Variants in PLXNA4 observed in about 807,000 individuals in gnomAD.
PLXNA4 encodes plexin A4.
A neutral mutation model predicts 191.8 loss-of-function variants in PLXNA4; 44 were observed. That is an observed-to-expected ratio of 0.23 (90% CI 0.18 to 0.29). The LOEUF (loss-of-function observed/expected upper bound fraction) is 0.29. PLXNA4 is among the 10% of genes least tolerant of loss of function. The pLI, the probability that PLXNA4 is intolerant of heterozygous loss-of-function variation, is 1.00. For missense variants in PLXNA4, 1,800 were observed against 2,488.8 expected (o/e 0.72, Z 5.89); for synonymous variants, 1,082 against 1,009.5 (o/e 1.07, Z -1.36).
At chr7:132,591,258 C>T (rs749497638) in intron 2 of PLXNA4, among the ~76,000 whole-genome samples, 6 of 152,262 alleles carry the variant, frequency 3.9e-5, no homozygotes, top group Admixed American at 6.5e-5. Flanking sequence ...GGAAGAAAAG[C>T]GAATGCACTG....
chr7:132,279,122 T>G (rs1034227096), intron 4 of PLXNA4, among the ~76,000 whole-genome samples: 3 of 152,210 alleles, frequency 2.0e-5, no homozygotes, highest in Non-Finnish European at 4.4e-5. Flanking sequence ...GGAAAAGATT[T>G]CTAGACCTAC....
chr7:132,136,343 G>A (rs1035240078), intron 30 of PLXNA4, among the ~76,000 whole-genome samples: 3 of 152,200 alleles, frequency 2.0e-5, no homozygotes, highest in Admixed American at 6.5e-5. Context: ...AGGGGAACCT[G>A]GGCCCCTGTG....
At chr7:132,262,731 C>T (rs866072139) in intron 4 of PLXNA4, among the ~76,000 whole-genome samples, 19 of 152,112 alleles carry the variant, frequency 1.2e-4, no homozygotes, top group Middle Eastern at 3.4e-3. Flanking sequence ...GATGGCATTT[C>T]GGGGGAAGGG....
At chr7:132,451,061 A>G (rs764029061) in intron 3 of PLXNA4, among the ~76,000 whole-genome samples, 2 of 152,226 alleles carry the variant, frequency 1.3e-5, no homozygotes, top group Non-Finnish European at 2.9e-5. Context: ...GTTACTCACT[A>G]ACCCCCAGCC....
chr7:132,537,493 C>A (rs1427527810), intron 1 of PLXNA4, among the ~76,000 whole-genome samples: 1 of 152,230 alleles, frequency 6.6e-6, no homozygotes, highest in East Asian at 1.9e-4. Context: ...TTTCAGCACC[C>A]AAGTTCCTAT....
At chr7:132,182,212 G>A in intron 16 of PLXNA4, 22 bp from the exon 17 acceptor site, 1 of 1,613,404 alleles carries the variant, frequency 6.2e-7, no homozygotes. Flanking sequence ...GAAAGAAGGA[G>A]ATGTGTAAAT....
At chr7:132,594,986 TA>T (rs754421883) in intron 2 of PLXNA4, among the ~76,000 whole-genome samples, 3 of 42,366 alleles carry the variant, frequency 7.1e-5, no homozygotes, top group Middle Eastern at 0.012. Context: ...AATAGATAGA[TA>T]GATAGATAGA....
chr7:132,464,501 C>T (rs937209950), intron 3 of PLXNA4, among the ~76,000 whole-genome samples: 6 of 152,206 alleles, frequency 3.9e-5, no homozygotes, highest in African/African-American at 1.4e-4. Flanking sequence ...TAAAGTAAGA[C>T]TCTCAGCACC....
intron 3 of PLXNA4, among the ~76,000 whole-genome samples, chr7:132,464,179 A>T (rs1585172899): frequency 6.6e-6 from 1 of 152,220 alleles, no homozygotes; most frequent in African/African-American, 2.4e-5. Flanking sequence ...AGATGCGAAA[A>T]ATAACAATGG....
At chr7:132,180,867 A>C (rs1796681086) in intron 18 of PLXNA4, 135 bp from the exon 19 acceptor site, 3 of 1,390,596 alleles carry the variant, frequency 2.2e-6, no homozygotes, top group Non-Finnish European at 2.9e-6. Flanking sequence ...TAATAAGTGC[A>C]AAAAATATTC....
intron 3 of PLXNA4, among the ~76,000 whole-genome samples, chr7:132,479,548 G>A (rs573751105): frequency 2.7e-4 from 41 of 152,356 alleles, no homozygotes; most frequent in Middle Eastern, 3.4e-3. Flanking sequence ...TAGTGAGCCC[G>A]GGACCCCACA....
intron 21 of PLXNA4, among the ~76,000 whole-genome samples, chr7:132,172,523 G>T (rs536798262): frequency 4.1e-4 from 62 of 152,166 alleles, no homozygotes; most frequent in African/African-American, 1.3e-3. Flanking sequence ...TTAATCAATG[G>T]CTTGTTTCCA....
chr7:132,193,251 C>T (rs1049561699), intron 14 of PLXNA4, among the ~76,000 whole-genome samples: 3 of 152,182 alleles, frequency 2.0e-5, no homozygotes, highest in Admixed American at 6.5e-5. Flanking sequence ...TCCACCCTCT[C>T]CCGCTCTTGC....
At chr7:132,555,084 G>C (rs981141538) in intron 1 of PLXNA4, among the ~76,000 whole-genome samples, 1 of 101,984 alleles carries the variant, frequency 9.8e-6, no homozygotes, top group Non-Finnish European at 2.0e-5. Flanking sequence ...CCATCACCAT[G>C]GCCTGGCAAA....
At chr7:132,470,850 A>T (rs1341200963) in intron 3 of PLXNA4, among the ~76,000 whole-genome samples, 1 of 152,160 alleles carries the variant, frequency 6.6e-6, no homozygotes, top group Non-Finnish European at 1.5e-5. Context: ...AACCTCCAAA[A>T]AGGGATGAGC....
chr7:132,632,168 G>A (rs527805020), intron 2 of PLXNA4, among the ~76,000 whole-genome samples: 4 of 150,654 alleles, frequency 2.7e-5, no homozygotes, highest in East Asian at 2.0e-4. Context: ...CCCGGGAGGC[G>A]GAGGTTGCAG....
Position 132,185,403 on chromosome 7 carries a change from C to A in PLXNA4, c.3054G>T (p.Lys1018Asn). 1.2e-6 allele frequency: 2 copies of A among 1,614,126 alleles called. No homozygotes were observed. The highest frequency in any genetic ancestry group is 1.7e-6 in the Non-Finnish European group (2 of 1,180,020). ...TTSSDEVLEMKVSVQVDRAKI... is the reference protein window; with the variant it reads ...TTSSDEVLEMNVSVQVDRAKI... The stretch of plus-strand genomic sequence containing the variant: ...TGGCCCTGTCCACCTGCACCGACAC[C>A]TTCATCTCTAGCACCTCATCTGAGG... The change falls in exon 16 of 32, where the codon AAG becomes AAT. Residue 1018 changes from lysine (K) to asparagine (N), a missense_variant. By Grantham distance (94) the Lys-to-Asn change is moderately conservative. Around this residue, in one of 6 missense-constraint regions of PLXNA4, gnomAD observed 1,397 missense variants for 1,880.4 expected, o/e 0.74. Transcript: ENST00000321063.
At chr7:132,179,122 C>G (rs1474956024) in intron 20 of PLXNA4, among the ~76,000 whole-genome samples, 1 of 90,736 alleles carries the variant, frequency 1.1e-5, no homozygotes, top group Non-Finnish European at 2.1e-5. Context: ...TACACATACA[C>G]GTGCGTGCTC....
rs548472408 is a variant in PLXNA4 at position 132,458,507 on chromosome 7, T to C, written c.1371+30785A>G. Among the ~76,000 whole-genome samples, 14 of 151,938 alleles carry C rather than the reference T, an allele frequency of 9.2e-5. 1 individual carries two copies. In the South Asian group the frequency reaches 2.7e-3, roughly 29 times the overall value. On this transcript the variant is annotated intron_variant, in intron 3 of 31. Transcript: ENST00000321063. ...TAAGAATGAACAAACTACAGCTGCATAGAGTGAGCTGGGTATCTCTCTCAC... is the reference window on the plus strand; with the variant it reads ...TAAGAATGAACAAACTACAGCTGCACAGAGTGAGCTGGGTATCTCTCTCAC...
Sources: gnomAD v4.1 joint callset for allele counts (sites outside exome capture counted in the v4.1 genomes callset) on GRCh38, gnomAD v4.1.1 for gene constraint, gnomAD v4.1.1 regional missense constraint, MANE v1.5 for transcripts, NCBI Gene and HGNC (gene_info 2026-07-23, HGNC 2026-07-21) for gene names.